Variants in PDE1C observed in about 807,000 individuals in gnomAD.
PDE1C encodes the protein phosphodiesterase 1C.
Under a neutral mutation model 93.1 loss-of-function variants are expected in PDE1C, and 62 were observed. That is an observed-to-expected ratio of 0.67 (90% CI 0.54 to 0.82). PDE1C has a LOEUF of 0.82. Ranked by LOEUF, PDE1C falls within the 40% of genes least tolerant of loss-of-function variation. The probability of loss-of-function intolerance (pLI) is 0.00; values close to 1 mark genes in which losing one functional copy is unlikely to be tolerated. For synonymous variants in PDE1C, 325 were observed against 310.1 expected (o/e 1.05, Z -0.50); for missense variants, 742 against 884.6 (o/e 0.84, Z 2.04).
At chr7:31,921,510 A>C (rs13245245) in intron 2 of PDE1C, among the ~76,000 whole-genome samples, 30,641 of 152,100 alleles carry the variant, frequency 0.2, 3,781 homozygotes, top group Non-Finnish European at 0.28. Context: ...TTCAGGATTC[A>C]TTCCTGGAAA....
chr7:31,970,858 G>A (rs1319005841), intron 2 of PDE1C, among the ~76,000 whole-genome samples: 1 of 152,218 alleles, frequency 6.6e-6, no homozygotes, highest in East Asian at 1.9e-4. Context: ...ATGACAGAAA[G>A]AGTGTTGGGT....
intron 1 of PDE1C, among the ~76,000 whole-genome samples, chr7:32,296,933 G>T (rs1252457354): frequency 1.3e-5 from 2 of 152,144 alleles, no homozygotes; most frequent in Non-Finnish European, 2.9e-5. Context: ...CTACCAACAG[G>T]TGCCTAAATA....
intron 1 of PDE1C, among the ~76,000 whole-genome samples, chr7:32,291,903 C>G (rs139921181): frequency 6.6e-6 from 1 of 152,160 alleles, no homozygotes; most frequent in Non-Finnish European, 1.5e-5. Context: ...GTGACTTACC[C>G]GGGATCAAAG....
At chr7:32,296,682 A>G (rs1812621227) in intron 1 of PDE1C, among the ~76,000 whole-genome samples, 1 of 152,238 alleles carries the variant, frequency 6.6e-6, no homozygotes, top group Admixed American at 6.5e-5. Flanking sequence ...CCTGGATTTT[A>G]GAAAGCCACA....
At chr7:31,923,180 T>C (rs1199139952) in intron 2 of PDE1C, among the ~76,000 whole-genome samples, 1 of 152,168 alleles carries the variant, frequency 6.6e-6, no homozygotes, top group Non-Finnish European at 1.5e-5. Flanking sequence ...GAATCAATCA[T>C]TCCAATGGCA....
chr7:32,298,696 AT>A lies in PDE1C; in HGVS notation c.39del (p.Lys13AsnfsTer16). On this transcript the variant is annotated frameshift_variant, in exon 1 of 19. Coordinates refer to the PDE1C transcript ENST00000396193. LOFTEE classifies it high-confidence loss of function. The stretch of plus-strand genomic sequence containing the variant: ...TCGATGCTGAAAGTGGCGCTCCGGC[AT>A]TTTTTGAAGCCCTCCTTCCTGTTGC... 1 of 1,607,432 alleles carries A rather than the reference AT, an allele frequency of 6.2e-7. No homozygotes were observed. The highest frequency in any genetic ancestry group is 1.1e-5 in the South Asian group (1 of 89,688).
chr7:32,369,047 A>G (rs1356322602), intron 1 of PDE1C, among the ~76,000 whole-genome samples: 1 of 152,192 alleles, frequency 6.6e-6, no homozygotes, highest in Non-Finnish European at 1.5e-5. Context: ...CTACTAGAAG[A>G]AAACTTAGGG....
In PDE1C at chr7:31,961,261, T is replaced by TAC. The variant is rs765877561; in HGVS notation, c.129-80403_129-80402dup. Reference sequence around the variant, plus strand: ...ATGTATATGTATATATATATATATATACACACACACAGGCTATTATACATT... The same window carrying TAC: ...ATGTATATGTATATATATATATATATACACACACACACAGGCTATTATACATT... On this transcript the variant is annotated intron_variant, in intron 2 of 17. Coordinates refer to ENST00000396191, the MANE Select transcript of PDE1C (RefSeq NM_001191057.4). 4.6e-5 allele frequency among the ~76,000 whole-genome samples: 7 copies of TAC among 150,814 alleles called. No individual in the cohort carries two copies. In the East Asian group the frequency reaches 7.8e-4, roughly 17 times the overall value.
At chr7:32,096,786 G>A (rs755629057) in intron 3 of PDE1C, among the ~76,000 whole-genome samples, 6 of 151,128 alleles carry the variant, frequency 4.0e-5, no homozygotes, top group Non-Finnish European at 8.8e-5. Flanking sequence ...ATTAGTCAGG[G>A]TTCTGCAGAG....
chr7:32,255,350 T>C (rs148555070), intron 1 of PDE1C, among the ~76,000 whole-genome samples: 1 of 152,242 alleles, frequency 6.6e-6, no homozygotes, highest in Non-Finnish European at 1.5e-5. Flanking sequence ...GGGCTTTGGA[T>C]TTGCATAGAC....
chr7:31,730,511 C>T, the PDE1C span, among the ~76,000 whole-genome samples: 1 of 152,212 alleles, frequency 6.6e-6, no homozygotes, highest in South Asian at 2.1e-4. Flanking sequence ...CTGATTCCAT[C>T]CATCTGAGAA....
chr7:32,312,816 G>T (rs1225856607), intron 1 of PDE1C, among the ~76,000 whole-genome samples: 3 of 152,110 alleles, frequency 2.0e-5, no homozygotes, highest in Admixed American at 1.3e-4. Flanking sequence ...AGAAAACCTA[G>T]GCAATACCAT....
the PDE1C span, chr7:31,697,244 G>A: frequency 8.4e-7 from 1 of 1,189,680 alleles, no homozygotes; most frequent in Non-Finnish European, 1.2e-6. Context: ...GAAGTGCTCT[G>A]GGGAGAAGCC....
At position 32,407,003 on chromosome 7, in the gene PDE1C, C is replaced by T. The variant is rs1037008819; in HGVS notation, c.310+20819G>A. Among the ~76,000 whole-genome samples, 225 of 152,256 alleles carry T rather than the reference C, an allele frequency of 1.5e-3. 1 individual carries two copies. Among genetic ancestry groups the T allele is most frequent in the Middle Eastern group, 3.4e-3 (1 of 294 alleles). The stretch of plus-strand genomic sequence containing the variant: ...TTAAAAAACAAAAACAGGCCGGGCG[C>T]GGTGGCTCATGCCTGTAATCCAAGC... On this transcript the variant is annotated intron_variant, in intron 1 of 1. Coordinates refer to the PDE1C transcript ENST00000672256.
At chr7:31,931,238 G>T (rs113151610) in intron 2 of PDE1C, among the ~76,000 whole-genome samples, 11,428 of 152,184 alleles carry the variant, frequency 0.075, 568 homozygotes, top group Middle Eastern at 0.14. Context: ...GTCTGGTCAG[G>T]GCAATCAAGC....
intron 1 of PDE1C, among the ~76,000 whole-genome samples, chr7:32,275,949 G>T (rs1811256622): frequency 6.6e-6 from 1 of 152,192 alleles, no homozygotes; most frequent in African/African-American, 2.4e-5. Flanking sequence ...CCCTGTAACT[G>T]TAGATACCAG....
chr7:32,083,360 C>A (rs78715747), intron 3 of PDE1C, among the ~76,000 whole-genome samples: 2 of 151,718 alleles, frequency 1.3e-5, no homozygotes, highest in Non-Finnish European at 2.9e-5. Flanking sequence ...GTGAAAAGAT[C>A]AAACCTACGT....
chr7:32,427,859 C>G (rs1430503586), exon 1 of PDE1C: 1 of 152,276 alleles, frequency 6.6e-6, no homozygotes, highest in East Asian at 1.9e-4. Flanking sequence ...AGGGCTGGGA[C>G]ATACTCGCCT....
At chr7:31,877,435 A>G (rs145524795) in intron 5 of PDE1C, among the ~76,000 whole-genome samples, 2 of 152,230 alleles carry the variant, frequency 1.3e-5, no homozygotes, top group African/African-American at 2.4e-5. Flanking sequence ...AGATGGGACA[A>G]AGGCTCTCAG....
Sources: gnomAD v4.1 joint callset for allele counts (sites outside exome capture counted in the v4.1 genomes callset) on GRCh38, gnomAD v4.1.1 for gene constraint, MANE v1.5 for transcripts, NCBI Gene and HGNC (gene_info 2026-07-23, HGNC 2026-07-21) for gene names.